AGBL4: variants seen among roughly 807,000 people sequenced by gnomAD.
AGBL4 encodes AGBL carboxypeptidase 4.
AGBL4 carries 58 observed loss-of-function variants against 66.4 expected under a neutral mutation model. That is an observed-to-expected ratio of 0.87 (90% CI 0.71 to 1.09). AGBL4 has a LOEUF of 1.09. Ranked by LOEUF, AGBL4 falls within the 50% of genes least tolerant of loss-of-function variation. The probability of loss-of-function intolerance (pLI) is 0.00; values close to 1 mark genes in which losing one functional copy is unlikely to be tolerated. For missense variants in AGBL4, 579 were observed against 631.0 expected (o/e 0.92, Z 0.88); for synonymous variants, 234 against 222.9 (o/e 1.05, Z -0.44).
intron 3 of AGBL4, among the ~76,000 whole-genome samples, chr1:49,342,983 G>A (rs1645570674): frequency 6.6e-6 from 1 of 152,082 alleles, no homozygotes; most frequent in South Asian, 2.1e-4. Context: ...CTGGAGTCTG[G>A]TAATAAGAGA....
At chr1:49,770,374 C>T (rs1644020026) in intron 2 of AGBL4, among the ~76,000 whole-genome samples, 1 of 152,148 alleles carries the variant, frequency 6.6e-6, no homozygotes, top group South Asian at 2.1e-4. Context: ...ATGATTCCCA[C>T]TTTATTGTAG....
chr1:49,468,606 A>T (rs576480207), intron 3 of AGBL4, among the ~76,000 whole-genome samples: 1 of 151,622 alleles, frequency 6.6e-6, no homozygotes, highest in South Asian at 2.1e-4. Flanking sequence ...CTCATGTCAA[A>T]TTTTCTTTGC....
At chr1:49,093,604 T>C (rs1431335630) in intron 4 of AGBL4, among the ~76,000 whole-genome samples, 5 of 152,186 alleles carry the variant, frequency 3.3e-5, no homozygotes, top group African/African-American at 9.6e-5. Context: ...CATTGTGTGA[T>C]TCTGTGACTA....
intron 4 of AGBL4, among the ~76,000 whole-genome samples, chr1:49,221,938 A>T (rs1195008817): frequency 2.0e-5 from 3 of 152,144 alleles, no homozygotes; most frequent in Non-Finnish European, 4.4e-5. Flanking sequence ...TCTGCATAGC[A>T]TTCTTTTTTA....
chr1:49,455,808 A>G (rs1646375738), intron 3 of AGBL4, among the ~76,000 whole-genome samples: 1 of 151,624 alleles, frequency 6.6e-6, no homozygotes, highest in South Asian at 2.1e-4. Context: ...ATTGTGTTCA[A>G]CCACACTTAC....
intron 4 of AGBL4, among the ~76,000 whole-genome samples, chr1:49,164,835 A>G (rs1052340695): frequency 6.6e-6 from 1 of 152,180 alleles, no homozygotes; most frequent in Non-Finnish European, 1.5e-5. Context: ...TTCCCTGTGC[A>G]GAGCTGACCA....
intron 3 of AGBL4, among the ~76,000 whole-genome samples, chr1:49,529,978 A>C (rs2148812233): frequency 6.6e-6 from 1 of 152,034 alleles, no homozygotes; most frequent in Non-Finnish European, 1.5e-5. Context: ...AGAGGAAAAC[A>C]GGGTTAGGTC....
chr1:49,549,398 T>C (rs909020142), intron 3 of AGBL4, among the ~76,000 whole-genome samples: 11 of 152,278 alleles, frequency 7.2e-5, no homozygotes, highest in East Asian at 3.9e-4. Context: ...TCTTTCAATC[T>C]TTTTGATGTA....
At chr1:49,403,774 C>G (rs1398639095) in intron 3 of AGBL4, among the ~76,000 whole-genome samples, 1 of 152,054 alleles carries the variant, frequency 6.6e-6, no homozygotes, top group South Asian at 2.1e-4. Flanking sequence ...GCTTCAAGGC[C>G]CTGCTTGATT....
chr1:49,476,604 T>C (rs1646851093), intron 3 of AGBL4, among the ~76,000 whole-genome samples: 1 of 152,136 alleles, frequency 6.6e-6, no homozygotes, highest in Non-Finnish European at 1.5e-5. Context: ...AGTGCATGTA[T>C]CCTTACAATA....
chr1:49,769,819 T>C (rs1327699264), intron 2 of AGBL4, among the ~76,000 whole-genome samples: 1 of 152,174 alleles, frequency 6.6e-6, no homozygotes, highest in Non-Finnish European at 1.5e-5. Context: ...TCAATATGGA[T>C]TAAAGATTTA....
Position 48,546,864 on chromosome 1 carries a change from AAC to A in AGBL4, c.1268-7128_1268-7127del, listed in dbSNP as rs58136623. 2.2e-3 allele frequency among the ~76,000 whole-genome samples: 279 copies of A among 128,380 alleles called. 3 individuals are homozygous for A. The highest frequency in any genetic ancestry group is 6.7e-3 in the African/African-American group (233 of 34,582). The allele number at this position is 128,380 out of a possible 152,430, so 84.2% of individuals were successfully genotyped here. On this transcript the variant is annotated intron_variant, in intron 11 of 13. Coordinates refer to ENST00000371839, the MANE Select transcript of AGBL4 (RefSeq NM_032785.4). ...AAATAGCGAGGTAGTAAAACAAACA[AAC>A]ACACACACACACACACACACACACA...
intron 3 of AGBL4, among the ~76,000 whole-genome samples, chr1:49,546,695 C>T (rs1334098208): frequency 6.6e-6 from 1 of 152,106 alleles, no homozygotes; most frequent in Non-Finnish European, 1.5e-5. Flanking sequence ...TTGATTATGG[C>T]CATTCTTGCA....
intron 3 of AGBL4, among the ~76,000 whole-genome samples, chr1:49,662,297 T>C (rs1646285323): frequency 6.6e-6 from 1 of 151,690 alleles, no homozygotes; most frequent in South Asian, 2.1e-4. Context: ...TTTAAATATG[T>C]GTAGAAATGG....
intron 4 of AGBL4, among the ~76,000 whole-genome samples, chr1:49,142,954 G>T (rs1646147503): frequency 6.6e-6 from 1 of 152,056 alleles, no homozygotes; most frequent in African/African-American, 2.4e-5. Flanking sequence ...CACTCAATCT[G>T]CAAGGGATAG....
intron 5 of AGBL4, among the ~76,000 whole-genome samples, chr1:48,925,969 G>A (rs747151467): frequency 6.6e-6 from 1 of 152,106 alleles, no homozygotes; most frequent in South Asian, 2.1e-4. Context: ...CTCATTATGA[G>A]GTAATGGTAG....
At chr1:49,314,267 T>A (rs931892231) in intron 3 of AGBL4, among the ~76,000 whole-genome samples, 2 of 151,996 alleles carry the variant, frequency 1.3e-5, no homozygotes, top group Non-Finnish European at 2.9e-5. Flanking sequence ...GGTGCTGGGA[T>A]TCATGTGCAG....
chr1:49,409,706 T>A (rs555820076), intron 3 of AGBL4, among the ~76,000 whole-genome samples: 2 of 152,348 alleles, frequency 1.3e-5, no homozygotes, highest in South Asian at 4.1e-4. Context: ...AAAGACATTA[T>A]TATCTATTTC....
At chr1:49,090,110 A>T (rs1335032649) in intron 4 of AGBL4, among the ~76,000 whole-genome samples, 1 of 152,188 alleles carries the variant, frequency 6.6e-6, no homozygotes, top group Non-Finnish European at 1.5e-5. Context: ...ACATCCATCT[A>T]TGACAAACCT....
Sources: gnomAD v4.1 joint callset for allele counts (sites outside exome capture counted in the v4.1 genomes callset) on GRCh38, gnomAD v4.1.1 for gene constraint, MANE v1.5 for transcripts, NCBI Gene and HGNC (gene_info 2026-07-23, HGNC 2026-07-21) for gene names.